Variants in PDE10A observed in about 807,000 individuals in gnomAD.
The protein encoded by PDE10A is cAMP and cAMP-inhibited cGMP 3',5'-cyclic phosphodiesterase 10A.
In PDE10A, 39 loss-of-function variants were observed where a neutral mutation model predicts 97.7. The observed-to-expected ratio is 0.40, with a 90% CI of 0.31 to 0.52. PDE10A has a LOEUF of 0.52. PDE10A is among the 20% of genes least tolerant of loss of function. The pLI is 0.56. For missense variants in PDE10A, 731 were observed against 1,047.8 expected, an observed-to-expected ratio of 0.70 and a Z score of 4.17; for synonymous variants, 371 against 376.8, an observed-to-expected ratio of 0.98 and a Z score of 0.18.
intron 1 of PDE10A, among the ~76,000 whole-genome samples, chr6:165,955,154 G>T (rs566620547): frequency 6.6e-6 from 1 of 152,040 alleles, no homozygotes; most frequent in African/African-American, 2.4e-5. Flanking sequence ...AAGAGGGCTC[G>T]CACTCACCTT....
intron 1 of PDE10A, among the ~76,000 whole-genome samples, chr6:165,876,172 A>T (rs1488052326): frequency 6.6e-6 from 1 of 152,264 alleles, no homozygotes; most frequent in African/African-American, 2.4e-5. Context: ...TGTTAACAAC[A>T]GCCTGGGTTT....
chr6:165,930,144 A>C (rs1477876129), intron 1 of PDE10A, among the ~76,000 whole-genome samples: 1 of 151,560 alleles, frequency 6.6e-6, no homozygotes, highest in Non-Finnish European at 1.5e-5. Flanking sequence ...GACCAGGCAC[A>C]TATCACTCCA....
At chr6:165,705,924 C>T (rs1791697724) in intron 1 of PDE10A, among the ~76,000 whole-genome samples, 1 of 152,210 alleles carries the variant, frequency 6.6e-6, no homozygotes, top group Non-Finnish European at 1.5e-5. Context: ...TGCCCAAAAT[C>T]TAAGCAGCCA....
At chr6:165,569,802 T>C (rs564236666) in intron 1 of PDE10A, among the ~76,000 whole-genome samples, 1 of 152,292 alleles carries the variant, frequency 6.6e-6, no homozygotes, top group East Asian at 1.9e-4. Context: ...AATGCAGAAC[T>C]GCATAAAGCT....
intron 18 of PDE10A, among the ~76,000 whole-genome samples, chr6:165,346,011 G>T (rs903858675): frequency 3.2e-4 from 49 of 152,338 alleles, no homozygotes; most frequent in African/African-American, 1.1e-3. Context: ...ATGCCATTAT[G>T]GCTGCGACAC....
chr6:165,455,892 A>C (rs1777924796), intron 3 of PDE10A, among the ~76,000 whole-genome samples: 1 of 152,236 alleles, frequency 6.6e-6, no homozygotes, highest in African/African-American at 2.4e-5. Context: ...ATTTTTGTCC[A>C]AGTCTTGTTC....
intron 1 of PDE10A, among the ~76,000 whole-genome samples, chr6:165,682,299 T>A (rs906350171): frequency 6.6e-6 from 1 of 151,998 alleles, no homozygotes; most frequent in African/African-American, 2.4e-5. Context: ...ACACAGCTAA[T>A]TTTTTACATT....
intron 3 of PDE10A, among the ~76,000 whole-genome samples, chr6:165,469,161 A>G (rs1194352769): frequency 2.0e-5 from 3 of 152,164 alleles, no homozygotes; most frequent in Non-Finnish European, 4.4e-5. Flanking sequence ...GCATCACTTT[A>G]TTATTATGGA....
chr6:165,983,662 G>T (rs753397848), intron 1 of PDE10A, among the ~76,000 whole-genome samples: 2 of 152,168 alleles, frequency 1.3e-5, no homozygotes, highest in African/African-American at 2.4e-5. Flanking sequence ...CTTCCAAGTT[G>T]TTGGCACTTA....
chr6:165,844,203 G>C (rs148990369), intron 1 of PDE10A, among the ~76,000 whole-genome samples: 2 of 152,272 alleles, frequency 1.3e-5, no homozygotes, highest in East Asian at 3.9e-4. Flanking sequence ...CACTGCAGGG[G>C]GCCATGGTTT....
intron 1 of PDE10A, among the ~76,000 whole-genome samples, chr6:165,637,423 G>A (rs1788928312): frequency 6.6e-6 from 1 of 152,168 alleles, no homozygotes; most frequent in South Asian, 2.1e-4. Flanking sequence ...AACGTGCAAG[G>A]TTTGTACCTG....
chr6:165,524,489 T>C (rs369039950), intron 2 of PDE10A, among the ~76,000 whole-genome samples: 7 of 152,304 alleles, frequency 4.6e-5, no homozygotes, highest in Admixed American at 1.3e-4. Flanking sequence ...GCAAGGAGTT[T>C]AGTGACTCTA....
At chr6:165,445,896 G>GAA (rs558967087) in intron 5 of PDE10A, among the ~76,000 whole-genome samples, 67 of 122,960 alleles carry the variant, frequency 5.4e-4, no homozygotes, top group Non-Finnish European at 1.2e-4. Flanking sequence ...CACAGTTAGA[G>GAA]AGAGAGAGAG....
chr6:165,397,684 AACGG>A (rs1786278335), intron 13 of PDE10A, among the ~76,000 whole-genome samples: 1 of 138,380 alleles, frequency 7.2e-6, no homozygotes, highest in African/African-American at 2.9e-5. Flanking sequence ...CCTGGGCGAC[AACGG>A]TGAAACTCCA....
chr6:165,432,919 T>A, intron 7 of PDE10A, 55 bp downstream of exon 7: 1 of 1,354,174 alleles, frequency 7.4e-7, no homozygotes. Flanking sequence ...AACAAGCACC[T>A]TCAATGAGCT....
intron 1 of PDE10A, chr6:165,545,269 A>T: frequency 2.1e-6 from 1 of 482,808 alleles, no homozygotes; most frequent in Non-Finnish European, 4.0e-6. Flanking sequence ...CAGGAATCTT[A>T]ACATATTTTT....
At chr6:165,568,807 C>A (rs1216188224) in intron 1 of PDE10A, among the ~76,000 whole-genome samples, 1 of 152,176 alleles carries the variant, frequency 6.6e-6, no homozygotes, top group South Asian at 2.1e-4. Flanking sequence ...CAGAATAAAT[C>A]TATCCAAGAA....
rs577818026 is a variant in PDE10A, at chr6:165,806,749, TTAAA to T, written c.-615+180776_-615+180779del. 1.2e-3 allele frequency among the ~76,000 whole-genome samples: 189 copies of T among 152,264 alleles called. 1 individual carries two copies. The highest frequency in any genetic ancestry group is 4.2e-3 in the African/African-American group (175 of 41,546). ...TCTCAAGGGAACCAGGGACCTTTCT[TTAAA>T]TAGTGTGAACACAGATGTCAAGGAC... On this transcript the variant is annotated intron_variant, in intron 1 of 19. Transcript: ENST00000366882.
At chr6:165,919,428 G>A (rs1388408144) in intron 1 of PDE10A, among the ~76,000 whole-genome samples, 1 of 152,130 alleles carries the variant, frequency 6.6e-6, no homozygotes, top group Non-Finnish European at 1.5e-5. Context: ...CAAGATCTTG[G>A]TATTCCACAG....
Sources: allele counts gnomAD v4.1 joint callset (sites outside exome capture counted in the v4.1 genomes callset), GRCh38; gene constraint gnomAD v4.1.1; transcripts MANE v1.5; gene names NCBI Gene and HGNC (gene_info 2026-07-23, HGNC 2026-07-21).